HMGCLL1: variants seen among roughly 807,000 people sequenced by gnomAD.
The protein encoded by HMGCLL1 is 3-hydroxymethyl-3-methylglutaryl-CoA lyase, cytoplasmic.
In HMGCLL1, 36 loss-of-function variants were observed where a neutral mutation model predicts 39.1. The observed-to-expected ratio is 0.92, with a 90% CI of 0.71 to 1.22. The LOEUF (loss-of-function observed/expected upper bound fraction) is 1.22. HMGCLL1 is among the 50% of genes most tolerant of loss of function. The pLI, the probability that HMGCLL1 is intolerant of heterozygous loss-of-function variation, is 0.00. For missense variants in HMGCLL1, 451 were observed against 416.5 expected, an observed-to-expected ratio of 1.08 and a Z score of -0.72; for synonymous variants, 149 against 144.0, an observed-to-expected ratio of 1.03 and a Z score of -0.25.
At chr6:55,627,408 T>C in the HMGCLL1 span, among the ~76,000 whole-genome samples, 1 of 152,018 alleles carries the variant, frequency 6.6e-6, no homozygotes, top group Non-Finnish European at 1.5e-5. Context: ...TGTATTACAT[T>C]AGGCGTAATT....
intron 7 of HMGCLL1, among the ~76,000 whole-genome samples, chr6:55,462,310 A>G (rs886191659): frequency 4.6e-5 from 7 of 151,996 alleles, no homozygotes; most frequent in Admixed American, 3.9e-4. Flanking sequence ...TTGCAACTAC[A>G]TACGAAATAA....
intron 1 of HMGCLL1, among the ~76,000 whole-genome samples, chr6:55,563,398 G>A (rs976545077): frequency 6.6e-6 from 1 of 151,964 alleles, no homozygotes; most frequent in African/African-American, 2.4e-5. Context: ...GATATGCCCA[G>A]TTTTTTTGGT....
At chr6:55,477,463 A>G (rs1412827256) in intron 7 of HMGCLL1, among the ~76,000 whole-genome samples, 1 of 88,606 alleles carries the variant, frequency 1.1e-5, no homozygotes, top group Non-Finnish European at 2.0e-5. Context: ...ATTACATATA[A>G]TATATAATAT....
the HMGCLL1 span, among the ~76,000 whole-genome samples, chr6:55,642,311 T>C: frequency 6.6e-6 from 1 of 151,652 alleles, no homozygotes; most frequent in Non-Finnish European, 1.5e-5. Flanking sequence ...TCTATCATTG[T>C]TGGACATTTG....
the HMGCLL1 span, among the ~76,000 whole-genome samples, chr6:55,655,536 G>A: frequency 6.8e-6 from 1 of 147,620 alleles, no homozygotes; most frequent in Non-Finnish European, 1.5e-5. Context: ...AGTTATATTG[G>A]TAGATAGATA....
chr6:55,623,363 T>C, the HMGCLL1 span, among the ~76,000 whole-genome samples: 2 of 152,020 alleles, frequency 1.3e-5, no homozygotes, highest in Non-Finnish European at 2.9e-5. Context: ...GTTTTTCTAC[T>C]TTTTGATGTA....
chr6:55,487,813 C>CTGTTT (rs1227390174), intron 7 of HMGCLL1, among the ~76,000 whole-genome samples: 8 of 151,934 alleles, frequency 5.3e-5, no homozygotes, highest in African/African-American at 1.7e-4. Flanking sequence ...TAGCTGTCCA[C>CTGTTT]TGTTTTCAGT....
rs956947886 is a variant in HMGCLL1, at chr6:55,555,215, G to C, written c.109-13075C>G. 2.0e-5 allele frequency among the ~76,000 whole-genome samples: 3 copies of C among 152,068 alleles called. No homozygotes were observed. In the East Asian group the frequency reaches 5.8e-4, roughly 29 times the overall value. ...CACACTGAATTATTTGCCATTTCTT[G>C]AACACCTGAGCATTTGCATTTGCCC... On this transcript the variant is annotated intron_variant, in intron 1 of 8. Coordinates refer to ENST00000274901, the MANE Select transcript of HMGCLL1 (RefSeq NM_001042406.2).
At chr6:55,517,838 C>T (rs1199190757) in intron 3 of HMGCLL1, among the ~76,000 whole-genome samples, 2 of 151,976 alleles carry the variant, frequency 1.3e-5, no homozygotes, top group African/African-American at 4.8e-5. Flanking sequence ...AAATTAAATA[C>T]CTAAGATGCA....
chr6:55,577,275 A>C, intron 1 of HMGCLL1: 5 of 1,418,844 alleles, frequency 3.5e-6, no homozygotes, highest in Non-Finnish European at 4.8e-6. Flanking sequence ...GAACTAAAAC[A>C]GAATTATTTT....
chr6:55,594,567 CTCTT>C, the HMGCLL1 span, among the ~76,000 whole-genome samples: 1 of 152,166 alleles, frequency 6.6e-6, no homozygotes, highest in Admixed American at 6.6e-5. Flanking sequence ...AACAACAAAC[CTCTT>C]TCTTTACTTG....
chr6:55,607,263 G>A, the HMGCLL1 span, among the ~76,000 whole-genome samples: 1 of 152,160 alleles, frequency 6.6e-6, no homozygotes. Context: ...AAATTACTCT[G>A]AGATTTTTCA....
chr6:55,465,315 C>T (rs1764750736), intron 7 of HMGCLL1, among the ~76,000 whole-genome samples: 1 of 151,912 alleles, frequency 6.6e-6, no homozygotes, highest in South Asian at 2.1e-4. Context: ...ATATATATAG[C>T]CATTACTTCA....
At chr6:55,552,872 T>G (rs1770419581) in intron 1 of HMGCLL1, among the ~76,000 whole-genome samples, 1 of 152,068 alleles carries the variant, frequency 6.6e-6, no homozygotes, top group Admixed American at 6.5e-5. Context: ...CCGGGCGTGG[T>G]GGCTCACACC....
the HMGCLL1 span, among the ~76,000 whole-genome samples, chr6:55,616,449 G>A: frequency 6.6e-6 from 1 of 152,104 alleles, no homozygotes; most frequent in South Asian, 2.1e-4. Context: ...GATCACAGAA[G>A]CATGAGCTAA....
chr6:55,571,696 CT>C (rs1771507055), intron 1 of HMGCLL1, among the ~76,000 whole-genome samples: 1 of 152,018 alleles, frequency 6.6e-6, no homozygotes, highest in African/African-American at 2.4e-5. Context: ...GTAGTCCCAG[CT>C]ACTCGGGAGG....
At chr6:55,593,986 T>G in the HMGCLL1 span, among the ~76,000 whole-genome samples, 2 of 152,150 alleles carry the variant, frequency 1.3e-5, no homozygotes, top group Admixed American at 6.6e-5. Flanking sequence ...TATATATACT[T>G]CCCTCCTAAA....
At chr6:55,582,991 G>A (rs1201755089), upstream of HMGCLL1, among the ~76,000 whole-genome samples, 2 of 151,870 alleles carry the variant, frequency 1.3e-5, no homozygotes, top group African/African-American at 2.4e-5. Flanking sequence ...ATGATCATAC[G>A]AATCTTTGTA....
the HMGCLL1 span, among the ~76,000 whole-genome samples, chr6:55,633,483 A>T: frequency 6.6e-6 from 1 of 151,756 alleles, no homozygotes; most frequent in Admixed American, 6.6e-5. Flanking sequence ...ATAATAAAAA[A>T]AACAATCTAA....
Sources: allele counts gnomAD v4.1 joint callset (sites outside exome capture counted in the v4.1 genomes callset), GRCh38; gene constraint gnomAD v4.1.1; transcripts MANE v1.5; gene names NCBI Gene and HGNC (gene_info 2026-07-23, HGNC 2026-07-21).